Variants in TMPRSS11E observed in about 807,000 individuals in gnomAD.
TMPRSS11E encodes the protein transmembrane serine protease 11E.
A neutral mutation model predicts 48.1 loss-of-function variants in TMPRSS11E; 38 were observed. The ratio of observed to expected loss-of-function variants is 0.79; its 90% CI spans 0.61 to 1.04. TMPRSS11E has a LOEUF of 1.04. TMPRSS11E is among the 50% of genes least tolerant of loss of function. TMPRSS11E has a pLI of 0.00. For synonymous variants in TMPRSS11E, 158 were observed against 171.9 expected (o/e 0.92, Z 0.63); for missense variants, 530 against 510.8 (o/e 1.04, Z -0.36).
chr4:68,487,024 G>A (rs529022695), intron 9 of TMPRSS11E, among the ~76,000 whole-genome samples: 3 of 152,200 alleles, frequency 2.0e-5, no homozygotes, highest in Admixed American at 2.0e-4. Context: ...CATTGCATTT[G>A]AGATGGGTCT....
chr4:68,477,420 T>G lies in TMPRSS11E; in HGVS notation c.759T>G (p.Pro253=), dbSNP rs746700221. The G allele has an allele frequency of 1.9e-6, 3 of 1,613,934 alleles. No individual in the cohort carries two copies. The highest frequency in any genetic ancestry group is 2.5e-6 in the Non-Finnish European group (3 of 1,179,968). The change falls in exon 8 of 10, where the codon CCT becomes CCG. Residue 253 remains proline, a synonymous_variant. Transcript: ENST00000305363. ...WTASFGVTIK[P]SKMKRGLRRI... is the part of the protein sequence containing the mutation. ...CTTCCTTTGGAGTAACAATAAAACC[T>G]TCGAAAATGAAACGGGGTCTCCGGA...
intron 1 of TMPRSS11E, among the ~76,000 whole-genome samples, chr4:68,460,744 A>G (rs1299924898): frequency 6.6e-6 from 1 of 152,196 alleles, no homozygotes. Flanking sequence ...TTTGCTTACC[A>G]AATATTATAA....
At chr4:68,491,940 A>G (rs1019895286) in intron 9 of TMPRSS11E, among the ~76,000 whole-genome samples, 3 of 151,992 alleles carry the variant, frequency 2.0e-5, no homozygotes, top group African/African-American at 4.8e-5. Flanking sequence ...TTCTTTCCCA[A>G]CTTTTACCTT....
At chr4:68,481,221 G>A (rs1308041255) in intron 9 of TMPRSS11E, among the ~76,000 whole-genome samples, 1 of 152,152 alleles carries the variant, frequency 6.6e-6, no homozygotes, top group Non-Finnish European at 1.5e-5. Context: ...GACATTTTAG[G>A]TTGATTCCAT....
At chr4:68,490,358 G>GA (rs1464545390) in intron 9 of TMPRSS11E, among the ~76,000 whole-genome samples, 1 of 137,112 alleles carries the variant, frequency 7.3e-6, no homozygotes, top group Non-Finnish European at 1.7e-5. Flanking sequence ...ATAATAATTT[G>GA]AAAAAATTAA....
chr4:68,474,680 A>C (rs1235240194), intron 5 of TMPRSS11E, 43 bp from the exon 6 acceptor site: 2 of 1,591,526 alleles, frequency 1.3e-6, no homozygotes, highest in Non-Finnish European at 1.7e-6. Context: ...GCATAGTGTA[A>C]CTCTGATGTG....
intron 1 of TMPRSS11E, among the ~76,000 whole-genome samples, chr4:68,454,813 G>C (rs951129176): frequency 2.6e-5 from 4 of 151,884 alleles, no homozygotes; most frequent in African/African-American, 9.7e-5. Context: ...TCAGGGTCTA[G>C]AGATTTTAAA....
chr4:68,471,691 TA>T (rs1729076405), intron 5 of TMPRSS11E, 68 bp downstream of exon 5: 8 of 1,321,700 alleles, frequency 6.1e-6, no homozygotes, highest in Non-Finnish European at 7.0e-6. Flanking sequence ...TGGCACTTAT[TA>T]AAAAATTTTT....
Position 68,488,699 on chromosome 4 carries a change from C to CCCT in TMPRSS11E, c.1111-7944_1111-7943insCCT, listed in dbSNP as rs369198134. Among the ~76,000 whole-genome samples, 585 of 152,048 alleles carry CCCT rather than the reference C, an allele frequency of 3.8e-3. 8 individuals are homozygous for CCCT. In the South Asian group the frequency reaches 0.039, roughly 10 times the overall value. ...GATTACAGGGGCCCGCCACCATGCC[C>CCCT]GGCTAATTTTTTTGTATTTTTAATA... is the stretch of plus-strand genomic sequence containing the variant. On this transcript the variant is annotated intron_variant, in intron 9 of 9. Coordinates refer to ENST00000305363, the MANE Select transcript of TMPRSS11E (RefSeq NM_014058.4).
intron 1 of TMPRSS11E, among the ~76,000 whole-genome samples, chr4:68,457,254 T>C (rs1728658712): frequency 6.6e-6 from 1 of 152,084 alleles, no homozygotes; most frequent in South Asian, 2.1e-4. Context: ...AACAGACACT[T>C]CTCAAAAGAA....
chr4:68,449,711 G>A (rs948564481), intron 1 of TMPRSS11E, among the ~76,000 whole-genome samples: 1 of 151,682 alleles, frequency 6.6e-6, no homozygotes, highest in African/African-American at 2.4e-5. Flanking sequence ...AGCACTAATG[G>A]TGTAAAGACA....
chr4:68,476,160 C>A, intron 6 of TMPRSS11E, 101 bp from the exon 7 acceptor site: 1 of 1,490,962 alleles, frequency 6.7e-7, no homozygotes, highest in Non-Finnish European at 9.3e-7. Context: ...ACTTTTGGAG[C>A]ACAAAGTAGA....
At chr4:68,448,595 AG>A (rs1728407349) in intron 1 of TMPRSS11E, among the ~76,000 whole-genome samples, 1 of 151,962 alleles carries the variant, frequency 6.6e-6, no homozygotes, top group African/African-American at 2.4e-5. Flanking sequence ...TATATGTCAG[AG>A]ATTTGGAATT....
intron 9 of TMPRSS11E, among the ~76,000 whole-genome samples, chr4:68,496,252 A>T (rs942359282): frequency 2.6e-5 from 4 of 151,916 alleles, no homozygotes; most frequent in Non-Finnish European, 4.4e-5. Context: ...TTGTTTTTTT[A>T]AAATCAGTAA....
rs770126823 is a variant in TMPRSS11E, at chr4:68,447,503, C to G, written c.-10C>G. On this transcript the variant is annotated 5_prime_UTR_variant, in exon 1 of 10. Transcript: ENST00000305363. ...TCGACCTTCACAGGACTCTTCATTG[C>G]TGGTTGGCAATGATGTATCGGTGAG... 1.5e-5 allele frequency: 24 copies of G among 1,609,576 alleles called. No homozygotes were observed. In the South Asian group the frequency reaches 1.7e-4, roughly 11 times the overall value.
chr4:68,494,926 G>A (rs1426874231), intron 9 of TMPRSS11E, among the ~76,000 whole-genome samples: 1 of 152,218 alleles, frequency 6.6e-6, no homozygotes, highest in Non-Finnish European at 1.5e-5. Flanking sequence ...TCTCTCTGGG[G>A]AGGGAGTTTT....
intron 9 of TMPRSS11E, among the ~76,000 whole-genome samples, chr4:68,496,126 GTAT>G (rs1729857310): frequency 6.6e-6 from 1 of 152,054 alleles, no homozygotes; most frequent in Non-Finnish European, 1.5e-5. Context: ...TCACAGGTAG[GTAT>G]TATTAGGAGC....
intron 9 of TMPRSS11E, among the ~76,000 whole-genome samples, chr4:68,481,290 A>G (rs989391374): frequency 6.6e-6 from 1 of 152,162 alleles, no homozygotes. Flanking sequence ...ATGGCAGAAC[A>G]ATTTGTATTC....
chr4:68,458,775 A>G (rs1728706453), intron 1 of TMPRSS11E, among the ~76,000 whole-genome samples: 2 of 152,202 alleles, frequency 1.3e-5, no homozygotes, highest in African/African-American at 4.8e-5. Context: ...TTGAAAAACA[A>G]TGCTATACAG....
Sources: gnomAD v4.1 joint callset for allele counts (sites outside exome capture counted in the v4.1 genomes callset) on GRCh38, gnomAD v4.1.1 for gene constraint, MANE v1.5 for transcripts, NCBI Gene and HGNC (gene_info 2026-07-23, HGNC 2026-07-21) for gene names.